KCNB2: variants seen among roughly 807,000 people sequenced by gnomAD.
KCNB2 encodes the protein delayed rectifier potassium channel protein.
A neutral mutation model predicts 61.5 loss-of-function variants in KCNB2; 15 were observed. The observed-to-expected ratio is 0.24, with a 90% CI of 0.16 to 0.38. The LOEUF (loss-of-function observed/expected upper bound fraction) is 0.38. Ranked by LOEUF, KCNB2 falls within the 10% of genes least tolerant of loss-of-function variation. The pLI is 1.00. For missense variants in KCNB2, 828 were observed against 1,125.2 expected, an observed-to-expected ratio of 0.74 and a Z score of 3.78; for synonymous variants, 457 against 446.0, an observed-to-expected ratio of 1.02 and a Z score of -0.31.
At chr8:72,572,540 C>T (rs148986683) in intron 2 of KCNB2, among the ~76,000 whole-genome samples, 52 of 151,856 alleles carry the variant, frequency 3.4e-4, no homozygotes, top group African/African-American at 1.2e-3. Flanking sequence ...CTCCTCTCCC[C>T]GCTCCTCCTC....
At chr8:72,816,267 G>T (rs933724049) in intron 2 of KCNB2, among the ~76,000 whole-genome samples, 1 of 152,168 alleles carries the variant, frequency 6.6e-6, no homozygotes, top group African/African-American at 2.4e-5. Flanking sequence ...ATTTAAGCTA[G>T]ATCCCTGAAC....
At chr8:72,731,627 A>G (rs762409905) in intron 2 of KCNB2, among the ~76,000 whole-genome samples, 7 of 152,218 alleles carry the variant, frequency 4.6e-5, no homozygotes, top group Non-Finnish European at 1.0e-4. Flanking sequence ...GCAGTGTTCA[A>G]TGTGAGTGTG....
intron 2 of KCNB2, among the ~76,000 whole-genome samples, chr8:72,917,677 G>A (rs1806429027): frequency 6.6e-6 from 1 of 152,140 alleles, no homozygotes; most frequent in African/African-American, 2.4e-5. Flanking sequence ...AAGAATGGTG[G>A]TCCCTTATAC....
At chr8:72,812,105 T>C (rs1233017735) in intron 2 of KCNB2, among the ~76,000 whole-genome samples, 2 of 151,874 alleles carry the variant, frequency 1.3e-5, no homozygotes, top group Non-Finnish European at 2.9e-5. Flanking sequence ...CTACTAAAAA[T>C]ACAAAAATTA....
chr8:72,848,445 ATT>A (rs1810038042), intron 2 of KCNB2, among the ~76,000 whole-genome samples: 1 of 152,102 alleles, frequency 6.6e-6, no homozygotes, highest in African/African-American at 2.4e-5. Context: ...ATAATAATAA[ATT>A]TATTATTTGT....
intron 2 of KCNB2, among the ~76,000 whole-genome samples, chr8:72,790,200 A>G (rs910180470): frequency 1.8e-4 from 27 of 152,178 alleles, no homozygotes; most frequent in Non-Finnish European, 2.9e-4. Flanking sequence ...ATTTGGAACC[A>G]ATTATCCATA....
chr8:72,815,448 C>A (rs1424691580), intron 2 of KCNB2, among the ~76,000 whole-genome samples: 1 of 152,122 alleles, frequency 6.6e-6, no homozygotes, highest in East Asian at 1.9e-4. Context: ...ATCAGTGTTA[C>A]AACTGACTGT....
intron 2 of KCNB2, among the ~76,000 whole-genome samples, chr8:72,594,866 C>A (rs1184793320): frequency 6.6e-6 from 1 of 152,100 alleles, no homozygotes; most frequent in Non-Finnish European, 1.5e-5. Flanking sequence ...AGATTCAAAG[C>A]ACCAAATTAG....
chr8:72,622,800 C>T (rs1345710201), intron 2 of KCNB2, among the ~76,000 whole-genome samples: 11 of 152,206 alleles, frequency 7.2e-5, no homozygotes, highest in Admixed American at 2.6e-4. Flanking sequence ...GGTTTATCTC[C>T]GACCCCTATC....
chr8:72,911,450 A>G (rs988201307), intron 2 of KCNB2, among the ~76,000 whole-genome samples: 18 of 152,246 alleles, frequency 1.2e-4, no homozygotes, highest in Admixed American at 8.5e-4. Context: ...CACACCATTC[A>G]AAGCCTTTCA....
rs1808287078 is a variant in KCNB2 at position 72,756,200 on chromosome 8, T to C, written c.580-179735T>C. Among the ~76,000 whole-genome samples the C allele has an allele frequency of 2.0e-5, 3 of 152,278 alleles. No individual in the cohort carries two copies. In the South Asian group the frequency reaches 6.2e-4, roughly 32 times the overall value. ...ACAGCCTTCCACGAAGCAGGAGCCC[T>C]GTGACACCACACAGGCTAGTGAGTT... On this transcript the variant is annotated intron_variant, in intron 2 of 2. Coordinates refer to ENST00000523207, the MANE Select transcript of KCNB2 (RefSeq NM_004770.3).
intron 2 of KCNB2, chr8:72,881,624 A>C (rs1470080223): frequency 6.7e-6 from 1 of 150,240 alleles, no homozygotes; most frequent in East Asian, 2.1e-4. Flanking sequence ...TAAGGCACTC[A>C]AACATCTGTA....
chr8:72,672,387 A>G (rs1806579150), intron 2 of KCNB2, among the ~76,000 whole-genome samples: 1 of 152,186 alleles, frequency 6.6e-6, no homozygotes. Flanking sequence ...GCAAATTAAC[A>G]TGGGCTGCTT....
chr8:72,928,165 A>T (rs1806692227), intron 2 of KCNB2, among the ~76,000 whole-genome samples: 1 of 151,684 alleles, frequency 6.6e-6, no homozygotes. Context: ...TAAGGAGAAA[A>T]GTGAGGACTT....
chr8:72,844,035 T>C (rs1437598185), intron 2 of KCNB2, among the ~76,000 whole-genome samples: 1 of 152,244 alleles, frequency 6.6e-6, no homozygotes, highest in African/African-American at 2.4e-5. Context: ...ATAGTGTTGA[T>C]GGTCTTTACA....
intron 2 of KCNB2, among the ~76,000 whole-genome samples, chr8:72,670,553 T>G (rs1198964987): frequency 6.6e-6 from 1 of 152,122 alleles, no homozygotes; most frequent in East Asian, 1.9e-4. Context: ...CCTCATTGTC[T>G]CCCACCTTGA....
At chr8:72,929,916 A>T (rs1029261515) in intron 2 of KCNB2, among the ~76,000 whole-genome samples, 2 of 151,160 alleles carry the variant, frequency 1.3e-5, no homozygotes, top group Non-Finnish European at 3.0e-5. Flanking sequence ...CGTCATTTAC[A>T]TTAGGTATAT....
At chr8:72,844,605 A>G in intron 2 of KCNB2, among the ~76,000 whole-genome samples, 1 of 152,140 alleles carries the variant, frequency 6.6e-6, no homozygotes, top group East Asian at 1.9e-4. Context: ...CTTTTCACAT[A>G]ATCCCATATT....
chr8:72,670,427 G>T (rs1462330485), intron 2 of KCNB2, among the ~76,000 whole-genome samples: 1 of 152,148 alleles, frequency 6.6e-6, no homozygotes. Flanking sequence ...CATGCACTTT[G>T]TCTGGCTTCC....
Sources: gnomAD v4.1 joint callset for allele counts (sites outside exome capture counted in the v4.1 genomes callset) on GRCh38, gnomAD v4.1.1 for gene constraint, MANE v1.5 for transcripts, NCBI Gene and HGNC (gene_info 2026-07-23, HGNC 2026-07-21) for gene names.